TSHZ3: variants seen among roughly 807,000 people sequenced by gnomAD.
TSHZ3 encodes teashirt homolog 3.
In TSHZ3, 10 loss-of-function variants were observed where a neutral mutation model predicts 64.5. The ratio of observed to expected loss-of-function variants is 0.16; its 90% CI spans 0.10 to 0.26. TSHZ3 has a LOEUF of 0.26. Among genes scored for constraint, TSHZ3 ranks in the 10% least tolerant of loss-of-function variants. The pLI is 1.00. For missense variants in TSHZ3, 1,242 were observed against 1,421.7 expected (o/e 0.87, Z 2.03); for synonymous variants, 608 against 593.1 (o/e 1.03, Z -0.36).
chr19:31,338,002 A>G (rs1917303763), intron 1 of TSHZ3, among the ~76,000 whole-genome samples: 1 of 152,250 alleles, frequency 6.6e-6, no homozygotes, highest in East Asian at 1.9e-4. Flanking sequence ...CTTTGATTTC[A>G]TTAGCAACCC....
chr19:31,175,857 G>A (rs1974599567), intron 5 of TSHZ3, among the ~76,000 whole-genome samples: 1 of 152,244 alleles, frequency 6.6e-6, no homozygotes, highest in Non-Finnish European at 1.5e-5. Context: ...GCTGGCATCA[G>A]CCTTTACTTA....
intron 4 of TSHZ3, among the ~76,000 whole-genome samples, chr19:31,207,835 A>T (rs3745785): frequency 0.63 from 95,242 of 152,018 alleles, 30,126 homozygotes; most frequent in Middle Eastern, 0.72. Context: ...TGGAGAAAAG[A>T]ATCCCTTTGA....
chr19:31,278,788 A>T lies in TSHZ3; in HGVS notation c.1005T>A (p.Asp335Glu). 1 of 1,614,146 alleles carries T rather than the reference A, an allele frequency of 6.2e-7. No homozygotes were observed. The highest frequency in any genetic ancestry group is 8.5e-7 in the Non-Finnish European group (1 of 1,180,038). Residue 335 changes from aspartate to glutamate, a missense_variant, in exon 2 of 2, where the codon GAT becomes GAA. Transcript: ENST00000240587. This position sits in a 1 kb window ranked among gnomAD's most constrained non-coding sequence, Gnocchi z 4.7. ...SLELELPSSPDSTGGTPKATI... is the reference protein window; with the variant it reads ...SLELELPSSPESTGGTPKATI... The stretch of plus-strand genomic sequence containing the variant: ...TGGCTTTGGGGGTTCCACCTGTGGA[A>T]TCTGGGGAGCTGGGGAGCTCCAGCT...
intron 4 of TSHZ3, among the ~76,000 whole-genome samples, chr19:31,211,793 G>A (rs1021983552): frequency 6.6e-5 from 10 of 152,154 alleles, no homozygotes; most frequent in African/African-American, 2.4e-4. Context: ...TTTGGCCTGG[G>A]GGTGACAAAG....
chr19:31,323,626 C>T (rs1288875462), intron 1 of TSHZ3, among the ~76,000 whole-genome samples: 1 of 152,030 alleles, frequency 6.6e-6, no homozygotes, highest in Admixed American at 6.6e-5. Context: ...GGCTGGTTTA[C>T]GAATACCCAG....
In TSHZ3 at chr19:31,277,288, T is replaced by G. The variant is rs768145696; in HGVS notation, c.2505A>C (p.Ser835=). ...AGGCATTCTCGCGTAGCGGCGAGTT[T>G]GACATGAATGATACGACGGCAGATG... ...AKTSAVVSFM[S]NSPLRENALS... is the part of the protein sequence containing the mutation. The change falls in exon 2 of 2, where the codon TCA becomes TCC. Residue 835 remains serine, a synonymous_variant. Transcript: ENST00000240587. The surrounding 1 kb of genome is among the most constrained non-coding windows in gnomAD (Gnocchi z 4.5). 2 of 1,613,832 alleles carry G rather than the reference T, an allele frequency of 1.2e-6. No homozygotes were observed. The highest frequency in any genetic ancestry group is 2.2e-5 in the South Asian group (2 of 91,082).
At chr19:31,260,412 G>A (rs1477837222) in intron 1 of TSHZ3, among the ~76,000 whole-genome samples, 3 of 152,156 alleles carry the variant, frequency 2.0e-5, no homozygotes. Flanking sequence ...GGTCAGGTCT[G>A]GGTTCAGAAT....
chr19:31,250,036 C>T (rs975444689), intron 1 of TSHZ3, among the ~76,000 whole-genome samples: 3 of 152,200 alleles, frequency 2.0e-5, no homozygotes, highest in East Asian at 1.9e-4. Flanking sequence ...GGTGCAAGAG[C>T]TCCCAGGCTG....
chr19:31,173,925 C>G (rs183321676), intron 5 of TSHZ3, among the ~76,000 whole-genome samples: 6 of 152,220 alleles, frequency 3.9e-5, no homozygotes, highest in Admixed American at 6.5e-5. Context: ...CAAAAATGAG[C>G]TGGGCGTGGT....
chr19:31,338,403 G>A (rs1375769063), intron 1 of TSHZ3, among the ~76,000 whole-genome samples: 1 of 152,222 alleles, frequency 6.6e-6, no homozygotes, highest in Admixed American at 6.5e-5. Context: ...GGAAGAGGCT[G>A]CTGGGAGCCC....
chr19:31,156,418 C>T (rs536687675), intron 5 of TSHZ3, among the ~76,000 whole-genome samples: 1 of 152,212 alleles, frequency 6.6e-6, no homozygotes, highest in South Asian at 2.1e-4. Context: ...TTTGTTCTCC[C>T]TATAAACAAA....
At position 31,172,142 on chromosome 19, in the gene TSHZ3, C is replaced by T. The variant is rs986609935; in HGVS notation, n.810-15725G>A. Among the ~76,000 whole-genome samples, 6 of 152,150 alleles carry T rather than the reference C, an allele frequency of 3.9e-5. 1 individual carries two copies. The South Asian group carries it at 1.0e-3, about 26-fold the overall frequency. On this transcript the variant is annotated intron_variant and non_coding_transcript_variant, in intron 5 of 6. Transcript: ENST00000651361. ...CCTCAGCTACCTCCATATCATAGTG[C>T]CCTTGGAAGGGCGGCCGACCAAGAT...
At chr19:31,174,625 G>C (rs561465208) in intron 5 of TSHZ3, among the ~76,000 whole-genome samples, 1 of 152,118 alleles carries the variant, frequency 6.6e-6, no homozygotes, top group Non-Finnish European at 1.5e-5. Context: ...CTATTTATGG[G>C]TTTGTCTTCT....
At chr19:31,270,398 T>C (rs1212978123), downstream of TSHZ3, among the ~76,000 whole-genome samples, 4 of 152,236 alleles carry the variant, frequency 2.6e-5, no homozygotes, top group East Asian at 7.7e-4. Context: ...CTCAAACTCC[T>C]GGGCTCAAGA....
chr19:31,168,298 T>C (rs1183255190), intron 5 of TSHZ3, among the ~76,000 whole-genome samples: 2 of 152,206 alleles, frequency 1.3e-5, no homozygotes, highest in East Asian at 3.9e-4. Flanking sequence ...TGTCTATTTC[T>C]GCATCACCAG....
At chr19:31,182,910 A>G (rs1974739341) in intron 5 of TSHZ3, among the ~76,000 whole-genome samples, 1 of 152,160 alleles carries the variant, frequency 6.6e-6, no homozygotes, top group Non-Finnish European at 1.5e-5. Flanking sequence ...TATTGCTGTG[A>G]AGGTATTTTT....
At chr19:31,227,559 C>G (rs369264693) in intron 4 of TSHZ3, among the ~76,000 whole-genome samples, 1 of 152,146 alleles carries the variant, frequency 6.6e-6, no homozygotes, top group Non-Finnish European at 1.5e-5. Flanking sequence ...CTTACAGCAA[C>G]AGAAGGGGGA....
At chr19:31,301,880 A>C (rs1976763804) in intron 1 of TSHZ3, among the ~76,000 whole-genome samples, 1 of 152,084 alleles carries the variant, frequency 6.6e-6, no homozygotes, top group Non-Finnish European at 1.5e-5. Flanking sequence ...CATGAGGTCC[A>C]CAGGTGGAGA....
At chr19:31,237,558 C>G (rs1054511730) in intron 3 of TSHZ3, among the ~76,000 whole-genome samples, 3 of 152,090 alleles carry the variant, frequency 2.0e-5, no homozygotes, top group African/African-American at 7.2e-5. Context: ...AAAGAACCAA[C>G]TTACGGCTTT....
Sources: allele counts gnomAD v4.1 joint callset (sites outside exome capture counted in the v4.1 genomes callset), GRCh38; gene constraint gnomAD v4.1.1; non-coding constraint Gnocchi (gnomAD v3.1); transcripts MANE v1.5; gene names NCBI Gene and HGNC (gene_info 2026-07-23, HGNC 2026-07-21).